The following SEPTIN3 variants were observed in gnomAD, a reference collection of about 807,000 sequenced individuals.
The protein encoded by SEPTIN3 is neuronal-specific septin-3.
Under a neutral mutation model 45.1 loss-of-function variants are expected in SEPTIN3, and 15 were observed. The observed-to-expected ratio is 0.33, with a 90% confidence interval of 0.22 to 0.51. The LOEUF is 0.51. Ranked by LOEUF, SEPTIN3 falls within the 20% of genes least tolerant of loss-of-function variation. The pLI is 0.97. For missense variants in SEPTIN3, 289 were observed against 457.2 expected (o/e 0.63, Z 3.35); for synonymous variants, 148 against 164.8 (o/e 0.90, Z 0.78).
intron 11 of SEPTIN3, chr22:41,995,161 A>G: frequency 9.4e-7 from 1 of 1,062,314 alleles, no homozygotes; most frequent in South Asian, 3.2e-5. Context: ...CCTGCACACA[A>G]ACTGGGGCTA....
intron 2 of SEPTIN3, among the ~76,000 whole-genome samples, chr22:41,980,371 C>T (rs941044879): frequency 6.6e-5 from 10 of 152,124 alleles, no homozygotes; most frequent in African/African-American, 1.7e-4. Flanking sequence ...CTCCTGACCT[C>T]ATGATCCGCC....
intron 4 of SEPTIN3, among the ~76,000 whole-genome samples, chr22:41,986,530 T>C (rs925611480): frequency 1.3e-5 from 2 of 151,912 alleles, no homozygotes; most frequent in Non-Finnish European, 2.9e-5. Context: ...GACGGAGTCT[T>C]GCTTTGTCGC....
chr22:41,985,969 C>T lies in SEPTIN3; in HGVS notation c.1697-15C>T, dbSNP rs2078199951. ...ATGCAGAGTCTCCCTACCTCCTCCT[C>T]CTGCTTTGCTGTAGGCCAGAGTGGA... On this transcript the variant is annotated splice_polypyrimidine_tract_variant and intron_variant, in intron 3 of 11. Transcript: ENST00000644076. The T allele has an allele frequency of 1.9e-6, 3 of 1,596,996 alleles. No individual in the cohort carries two copies. The highest frequency in any genetic ancestry group is 1.1e-5 in the South Asian group (1 of 88,616).
intron 3 of SEPTIN3, among the ~76,000 whole-genome samples, chr22:41,982,982 G>T (rs1413747606): frequency 1.3e-5 from 2 of 151,844 alleles, no homozygotes; most frequent in African/African-American, 4.8e-5. Context: ...GGAATCTGGC[G>T]TCATCCTTCT....
Position 41,992,723 on chromosome 22 carries a change from G to C in SEPTIN3, c.2319G>C (p.Lys773Asn), listed in dbSNP as rs373798153. Reference sequence around the variant, plus strand: ...ACAAGGAGTACCAAGTGAATGGCAAGAGGGTCCTCGGCCGAAAAACTCCAT... The same window carrying C: ...ACAAGGAGTACCAAGTGAATGGCAACAGGGTCCTCGGCCGAAAAACTCCAT... ...GSDKEYQVNG[K>N]RVLGRKTPWG... The change falls in exon 9 of 12, where the codon AAG (lysine) becomes AAC (asparagine). Residue 773 changes from lysine (K) to asparagine (N), a missense_variant. By Grantham distance (94) the Lys-to-Asn change is moderately conservative. Coordinates refer to ENST00000644076, the MANE Select transcript of SEPTIN3 (RefSeq NM_001363845.2). The C allele has an allele frequency of 5.2e-5, 84 of 1,612,572 alleles. No individual in the cohort carries two copies. Among genetic ancestry groups the C allele is most frequent in the Non-Finnish European group, 6.8e-5 (80 of 1,179,504 alleles).
rs1407684059 is a variant in SEPTIN3, at chr22:41,971,720, G to C, written c.228G>C (p.Arg76Ser). ...CCAGCCGGCTGGGCCTTGGAGCCAG[G>C]ACCCGGAGTGTGCCCCCACAGGAGA... ...QTSSRLGLGA[R>S]TRSVPPQETG... The change falls in exon 2 of 12, where the codon AGG (arginine) becomes AGC (serine). Residue 76 changes from arginine (R) to serine (S), a missense_variant. Around this residue, in one of 3 missense-constraint regions of SEPTIN3, gnomAD observed 200 missense variants for 315.1 expected, o/e 0.63. Transcript: ENST00000644076. 1 of 399,122 alleles carries C rather than the reference G, an allele frequency of 2.5e-6. No individual in the cohort carries two copies. The highest frequency in any genetic ancestry group is 4.4e-6 in the Non-Finnish European group (1 of 226,258). 24.7% of individuals were successfully genotyped at this position (399,122 alleles called of 1,614,324 possible).
chr22:41,995,752 C>A, intron 11 of SEPTIN3: 1 of 981,574 alleles, frequency 1.0e-6, no homozygotes, highest in Non-Finnish European at 1.2e-6. Context: ...TGTAGTCAAG[C>A]ACCTGAACAG....
rs1556270813 is a variant in SEPTIN3, at chr22:41,994,883, C to CTGTCTGTG, written c.2505+172_2505+173insCTGTGTGT. 1 of 1,141,742 alleles carries CTGTCTGTG rather than the reference C, an allele frequency of 8.8e-7. No individual in the cohort carries two copies. The highest frequency in any genetic ancestry group is 1.2e-6 in the Non-Finnish European group (1 of 864,644). 70.7% of individuals were successfully genotyped at this position (1,141,742 alleles called of 1,614,324 possible). ...GTCTGGTATTTGTGGAGCATCTTGT[C>CTGTCTGTG]TGTGTGTGTGTGTGTGTGTGTGTGT... On this transcript the variant is annotated intron_variant, in intron 11 of 11. Transcript: ENST00000644076. The surrounding 1 kb of genome is among the most constrained non-coding windows in gnomAD (Gnocchi z 4.2).
In SEPTIN3 at chr22:41,997,305, G is replaced by T; in HGVS notation, c.*338G>T. The stretch of plus-strand genomic sequence containing the variant: ...ACTTGTAACCATCTCTAAGGGCAAT[G>T]GCATTGCTCCCTACCCATTCATCTG... On this transcript the variant is annotated 3_prime_UTR_variant, in exon 12 of 12. Coordinates refer to ENST00000644076, the MANE Select transcript of SEPTIN3 (RefSeq NM_001363845.2). The T allele has an allele frequency of 3.4e-6, 1 of 298,266 alleles. No individual in the cohort carries two copies. The highest frequency in any genetic ancestry group is 6.3e-6 in the Non-Finnish European group (1 of 159,180). The allele number at this position is 298,266 out of a possible 1,614,324, so 18.5% of individuals were successfully genotyped here.
chr22:41,992,708 C>T lies in SEPTIN3; in HGVS notation c.2304C>T (p.Tyr768=), dbSNP rs775997403. The change falls in exon 9 of 12, where the codon TAC becomes TAT. Residue 768 remains tyrosine (Y), a synonymous_variant. Transcript: ENST00000644076. ...CTGTGGTGGGAAGTGACAAGGAGTA[C>T]CAAGTGAATGGCAAGAGGGTCCTCG... is the stretch of plus-strand genomic sequence containing the variant. ...PFAVVGSDKE[Y]QVNGKRVLGR... The T allele has an allele frequency of 8.7e-6, 14 of 1,612,164 alleles. No individual in the cohort carries two copies. The Admixed American group carries it at 2.2e-4, about 25-fold the overall frequency.
At position 41,971,466 on chromosome 22, in the gene SEPTIN3, T is replaced by C. The variant is rs1273679817; in HGVS notation, c.-19-8T>C. On this transcript the variant is annotated splice_region_variant and splice_polypyrimidine_tract_variant and intron_variant, in intron 1 of 11. Coordinates refer to ENST00000644076, the MANE Select transcript of SEPTIN3 (RefSeq NM_001363845.2). Reference sequence around the variant, plus strand: ...TGCCTGGCCTCTTCTCTCTGTTGATTGCCTCAGGGAAAGACAAACGACCTG... The same window carrying C: ...TGCCTGGCCTCTTCTCTCTGTTGATCGCCTCAGGGAAAGACAAACGACCTG... 5 of 398,970 alleles carry C rather than the reference T, an allele frequency of 1.3e-5. No homozygotes were observed. Among genetic ancestry groups the C allele is most frequent in the African/African-American group, 2.1e-5 (1 of 48,602 alleles). The allele number at this position is 398,970 out of a possible 1,614,324, so 24.7% of individuals were successfully genotyped here.
intron 2 of SEPTIN3, among the ~76,000 whole-genome samples, 172 bp downstream of exon 2, chr22:41,973,168 C>T (rs1006754675): frequency 6.6e-6 from 1 of 152,092 alleles, no homozygotes; most frequent in African/African-American, 2.4e-5. Flanking sequence ...GACATAGGGA[C>T]TGTACCCTGA....
chr22:41,984,373 G>A (rs1014522387), intron 3 of SEPTIN3, among the ~76,000 whole-genome samples: 2 of 152,160 alleles, frequency 1.3e-5, no homozygotes, highest in Non-Finnish European at 2.9e-5. Flanking sequence ...GACTCTTCTG[G>A]AAGCCCAGTT....
chr22:41,986,472 A>G (rs2146701345), intron 4 of SEPTIN3, among the ~76,000 whole-genome samples: 1 of 151,698 alleles, frequency 6.6e-6, no homozygotes, highest in Non-Finnish European at 1.5e-5. Context: ...TGGTCAACAC[A>G]GTGAAACCCT....
chr22:41,992,598 T>C, intron 8 of SEPTIN3, 66 bp from the exon 9 acceptor site: 3 of 1,080,620 alleles, frequency 2.8e-6, no homozygotes, highest in Non-Finnish European at 4.1e-6. Context: ...ATCCTGCTCC[T>C]GAAAGTCCAG....
chr22:41,994,164 CA>C lies in SEPTIN3; in HGVS notation c.2360-120del, dbSNP rs2078378176. The C allele has an allele frequency of 5.1e-6, 4 of 786,614 alleles. No individual in the cohort carries two copies. The highest frequency in any genetic ancestry group is 4.6e-5 in the Admixed American group (2 of 43,800). 48.7% of individuals were successfully genotyped at this position (786,614 alleles called of 1,614,324 possible). ...AGTGAGCAAATCTCTGGAAGGGTTA[CA>C]AAAAATGACCTGTCCCATAGCTTTC... On this transcript the variant is annotated intron_variant, in intron 9 of 11. Coordinates refer to ENST00000644076, the MANE Select transcript of SEPTIN3 (RefSeq NM_001363845.2). The surrounding 1 kb of genome is among the most constrained non-coding windows in gnomAD (Gnocchi z 4.2).
chr22:41,994,838 C>G lies in SEPTIN3; in HGVS notation c.2505+124C>G. 1 of 1,595,610 alleles carries G rather than the reference C, an allele frequency of 6.3e-7. No homozygotes were observed. The highest frequency in any genetic ancestry group is 8.5e-7 in the Non-Finnish European group (1 of 1,173,304). ...CCACCACCAACCACCTTCTTCCTCTCAACTCTGTCCCACAGGCCTGTCTGG... is the reference window on the plus strand; with the variant it reads ...CCACCACCAACCACCTTCTTCCTCTGAACTCTGTCCCACAGGCCTGTCTGG... On this transcript the variant is annotated intron_variant, in intron 11 of 11. Transcript: ENST00000644076. This position sits in a 1 kb window ranked among gnomAD's most constrained non-coding sequence, Gnocchi z 4.2.
chr22:41,971,348 A>G (rs150361272), intron 1 of SEPTIN3, 126 bp from the exon 2 acceptor site: 137 of 397,748 alleles, frequency 3.4e-4, no homozygotes, highest in African/African-American at 2.8e-3. Context: ...AGGACTGGAC[A>G]GTCCCCAGAA....
rs368094067 is a variant in SEPTIN3, at chr22:41,992,070, CG to C, written c.2259+403del. Among the ~76,000 whole-genome samples the C allele has an allele frequency of 5.1e-3, 779 of 152,112 alleles. 8 individuals are homozygous for C. Among genetic ancestry groups the C allele is most frequent in the Middle Eastern group, 6.8e-3 (2 of 294 alleles). ...GACTGAGTGGCTTATAGGCTTCCCC[CG>C]CTAGAATAACTTAAAAAAATTAAAT... On this transcript the variant is annotated intron_variant, in intron 8 of 11. Coordinates refer to ENST00000644076, the MANE Select transcript of SEPTIN3 (RefSeq NM_001363845.2).
Sources: allele counts gnomAD v4.1 joint callset (sites outside exome capture counted in the v4.1 genomes callset), GRCh38; gene constraint gnomAD v4.1.1; regional missense constraint gnomAD v4.1.1; non-coding constraint Gnocchi (gnomAD v3.1); transcripts MANE v1.5; gene names NCBI Gene and HGNC (gene_info 2026-07-23, HGNC 2026-07-21).